SIK3: variants seen among roughly 807,000 people sequenced by gnomAD.
The protein encoded by SIK3 is SIK family kinase 3, also known as serine/threonine-protein kinase SIK3.
SIK3 carries 28 observed loss-of-function variants against 144.2 expected under a neutral mutation model. The observed-to-expected ratio is 0.19, with a 90% confidence interval of 0.14 to 0.27. SIK3 has a LOEUF of 0.27. Ranked by LOEUF, SIK3 falls within the 10% of genes least tolerant of loss-of-function variation. SIK3 has a pLI of 1.00. For missense variants in SIK3, 1,319 were observed against 1,776.0 expected (o/e 0.74, Z 4.62); for synonymous variants, 686 against 676.3 (o/e 1.01, Z -0.22).
At chr11:116,899,944 C>T (rs1469202783) in intron 4 of SIK3, among the ~76,000 whole-genome samples, 1 of 152,166 alleles carries the variant, frequency 6.6e-6, no homozygotes, top group Non-Finnish European at 1.5e-5. Context: ...CTTCTTTCTA[C>T]CTTCTACAGA....
At chr11:116,967,065 A>G (rs1949583115) in intron 1 of SIK3, among the ~76,000 whole-genome samples, 1 of 152,086 alleles carries the variant, frequency 6.6e-6, no homozygotes, top group Non-Finnish European at 1.5e-5. Flanking sequence ...GTCCCAGGAC[A>G]GAAAGACGGG....
chr11:116,912,006 GA>G (rs960139028), intron 4 of SIK3, among the ~76,000 whole-genome samples: 1 of 152,182 alleles, frequency 6.6e-6, no homozygotes, highest in African/African-American at 2.4e-5. Context: ...TGAGTGGAGC[GA>G]AGTTGGTCTC....
intron 1 of SIK3, among the ~76,000 whole-genome samples, chr11:117,005,420 G>T (rs78903015): frequency 0.024 from 3,713 of 151,750 alleles, 84 homozygotes; most frequent in South Asian, 0.11. Flanking sequence ...GGAGGTGGGA[G>T]GTGTTTTTGC....
chr11:116,938,607 AG>A (rs1948105529), intron 3 of SIK3, among the ~76,000 whole-genome samples: 12 of 17,086 alleles, frequency 7.0e-4, no homozygotes, highest in East Asian at 1.9e-3. Flanking sequence ...GGAGGAGAGG[AG>A]AGGAGAGGGG....
intron 1 of SIK3, among the ~76,000 whole-genome samples, chr11:116,980,613 G>A (rs1790015965): frequency 6.6e-6 from 1 of 152,162 alleles, no homozygotes; most frequent in African/African-American, 2.4e-5. Flanking sequence ...AGCACTTCGG[G>A]AGGCCGAAGT....
chr11:116,990,682 G>GT (rs1228001593), intron 1 of SIK3, among the ~76,000 whole-genome samples: 2 of 152,076 alleles, frequency 1.3e-5, no homozygotes, highest in Non-Finnish European at 2.9e-5. Flanking sequence ...CACCTCCACA[G>GT]TATTACCTTT....
intron 1 of SIK3, among the ~76,000 whole-genome samples, chr11:116,982,521 C>T (rs906249254): frequency 3.3e-5 from 5 of 152,110 alleles, no homozygotes; most frequent in Admixed American, 3.3e-4. Flanking sequence ...AACTCCTGAC[C>T]TCGTGATTTG....
At chr11:116,893,986 G>C (rs1286638833) in intron 6 of SIK3, 1 of 167,002 alleles carries the variant, frequency 6.0e-6, no homozygotes, top group Non-Finnish European at 1.5e-5. Context: ...GTGAGGGTGT[G>C]GGGGGATAAA....
chr11:116,950,103 G>A, intron 3 of SIK3: 1 of 470,886 alleles, frequency 2.1e-6, no homozygotes, highest in Non-Finnish European at 4.4e-6. Flanking sequence ...CAAGGCAAGA[G>A]TGATCTGGGT....
chr11:116,943,726 T>G (rs1948434472), intron 3 of SIK3, among the ~76,000 whole-genome samples: 1 of 152,194 alleles, frequency 6.6e-6, no homozygotes, highest in African/African-American at 2.4e-5. Context: ...GACCTAGAAC[T>G]CTACCAATGT....
chr11:117,060,668 G>A (rs1953753962), intron 1 of SIK3, among the ~76,000 whole-genome samples: 1 of 151,934 alleles, frequency 6.6e-6, no homozygotes, highest in Admixed American at 6.6e-5. Context: ...ACAGCACAGG[G>A]AATTCTTAGG....
chr11:117,093,752 A>G (rs1014993885), intron 1 of SIK3, among the ~76,000 whole-genome samples: 1 of 152,066 alleles, frequency 6.6e-6, no homozygotes, highest in Non-Finnish European at 1.5e-5. Context: ...CCTGTACCCT[A>G]TACAAATTAA....
At chr11:116,869,256 CCT>C (rs1034148042) in intron 14 of SIK3, 4 of 152,202 alleles carry the variant, frequency 2.6e-5, no homozygotes, top group Non-Finnish European at 4.4e-5. Context: ...TGCCAACACC[CCT>C]GTTTGCCATG....
chr11:117,036,090 A>ATTT, intron 1 of SIK3: 6 of 578,598 alleles, frequency 1.0e-5, no homozygotes, highest in South Asian at 2.7e-5. Context: ...GGAAAGGTTA[A>ATTT]TTTTTTTTTT....
intron 1 of SIK3, among the ~76,000 whole-genome samples, chr11:117,052,090 A>C (rs150745303): frequency 5.7e-4 from 87 of 152,200 alleles, no homozygotes; most frequent in African/African-American, 1.7e-3. Context: ...TGCAGTTTGC[A>C]AGATAGTGCC....
chr11:116,946,913 A>C (rs1948619472), intron 3 of SIK3, among the ~76,000 whole-genome samples: 1 of 151,854 alleles, frequency 6.6e-6, no homozygotes, highest in Non-Finnish European at 1.5e-5. Context: ...CAGGAGATCA[A>C]GACCATCCTG....
At chr11:117,018,150 G>A (rs1006413750) in intron 1 of SIK3, among the ~76,000 whole-genome samples, 1 of 152,008 alleles carries the variant, frequency 6.6e-6, no homozygotes, top group Non-Finnish European at 1.5e-5. Context: ...GTTGTCCCTC[G>A]GTATACTGGG....
intron 1 of SIK3, among the ~76,000 whole-genome samples, chr11:117,093,238 C>G (rs1277194249): frequency 6.6e-6 from 1 of 152,208 alleles, no homozygotes; most frequent in Non-Finnish European, 1.5e-5. Context: ...AAAGCATCAT[C>G]TCATGTGCTT....
intron 21 of SIK3, chr11:116,857,544 C>A: frequency 4.4e-6 from 2 of 455,990 alleles, no homozygotes; most frequent in South Asian, 4.3e-5. Flanking sequence ...TTTCTGGATT[C>A]CAAGAAACTG....
Sources: gnomAD v4.1 joint callset for allele counts (sites outside exome capture counted in the v4.1 genomes callset) on GRCh38, gnomAD v4.1.1 for gene constraint, MANE v1.5 for transcripts, NCBI Gene and HGNC (gene_info 2026-07-23, HGNC 2026-07-21) for gene names.